SLC26A7: variants seen among roughly 807,000 people sequenced by gnomAD.
SLC26A7 encodes the protein solute carrier family 26 member 7, also known as anion exchange transporter.
In SLC26A7, 59 loss-of-function variants were observed where a neutral mutation model predicts 82.5. The ratio of observed to expected loss-of-function variants is 0.72; its 90% CI spans 0.58 to 0.89. SLC26A7 has a LOEUF of 0.89. SLC26A7 is among the 40% of genes least tolerant of loss of function. The pLI is 0.00. For missense variants in SLC26A7, 820 were observed against 793.0 expected (o/e 1.03, Z -0.41); for synonymous variants, 271 against 274.3 (o/e 0.99, Z 0.12).
chr8:91,232,142 A>G (rs1810318359), intron 2 of SLC26A7, among the ~76,000 whole-genome samples: 1 of 152,256 alleles, frequency 6.6e-6, no homozygotes, highest in South Asian at 2.1e-4. Flanking sequence ...TAAAGTACAT[A>G]TGCAATAAAT....
At chr8:91,275,293 A>G (rs1344293235) in intron 2 of SLC26A7, among the ~76,000 whole-genome samples, 2 of 152,078 alleles carry the variant, frequency 1.3e-5, no homozygotes, top group Non-Finnish European at 2.9e-5. Flanking sequence ...TAACTGGGTA[A>G]AAGATTATTT....
At chr8:91,283,579 A>T (rs1318015903) in intron 2 of SLC26A7, among the ~76,000 whole-genome samples, 3 of 151,730 alleles carry the variant, frequency 2.0e-5, no homozygotes, top group Non-Finnish European at 4.4e-5. Context: ...CATAACTCTT[A>T]CTCTTTCTCT....
At chr8:91,244,924 C>G (rs906644590), upstream of SLC26A7, among the ~76,000 whole-genome samples, 3 of 152,046 alleles carry the variant, frequency 2.0e-5, no homozygotes, top group African/African-American at 7.2e-5. Flanking sequence ...AAAAAACACA[C>G]TAAAGAAACT....
intron 4 of SLC26A7, among the ~76,000 whole-genome samples, chr8:91,296,598 T>TTACATTGCCTTCTAGC (rs1329490149): frequency 6.6e-6 from 1 of 151,928 alleles, no homozygotes; most frequent in Non-Finnish European, 1.5e-5. Flanking sequence ...ATTCTTAGAG[T>TTACATTGCCTTCTAGC]TACATTGCCT....
chr8:91,355,181 C>T (rs1813828400), intron 11 of SLC26A7, among the ~76,000 whole-genome samples: 1 of 152,004 alleles, frequency 6.6e-6, no homozygotes, highest in South Asian at 2.1e-4. Flanking sequence ...TTTAAGTAAG[C>T]TTGTTTTTCT....
At chr8:91,394,804 A>G in intron 18 of SLC26A7, 1 of 904,204 alleles carries the variant, frequency 1.1e-6, no homozygotes. Flanking sequence ...GGTAGATATG[A>G]TAATTTAACC....
At chr8:91,394,081 C>T (rs1204041665) in intron 18 of SLC26A7, 42 bp downstream of exon 18, 9 of 1,593,980 alleles carry the variant, frequency 5.6e-6, no homozygotes, top group Non-Finnish European at 7.7e-6. Context: ...TAAGAATATT[C>T]AGAATATAGA....
In SLC26A7 at chr8:91,279,151, A is replaced by G. The variant is rs902695005; in HGVS notation, c.194-9985A>G. On this transcript the variant is annotated intron_variant, in intron 2 of 18. Transcript: ENST00000276609. ...TATATATATATATATATATATATATATATATATATATATATGTATCACATT... is the reference window on the plus strand; with the variant it reads ...TATATATATATATATATATATATATGTATATATATATATATGTATCACATT... Among the ~76,000 whole-genome samples, 21 of 107,260 alleles carry G rather than the reference A, an allele frequency of 2.0e-4. 1 individual carries two copies. The highest frequency in any genetic ancestry group is 6.2e-4 in the African/African-American group (15 of 24,294). The allele number at this position is 107,260 out of a possible 152,430, so 70.4% of individuals were successfully genotyped here.
chr8:91,277,067 C>G (rs957235445), intron 2 of SLC26A7, among the ~76,000 whole-genome samples: 5 of 152,178 alleles, frequency 3.3e-5, no homozygotes, highest in Admixed American at 2.6e-4. Flanking sequence ...TGCTTTCCTT[C>G]GAATACTGAG....
At chr8:91,377,048 T>C (rs1814537001) in intron 15 of SLC26A7, among the ~76,000 whole-genome samples, 1 of 152,068 alleles carries the variant, frequency 6.6e-6, no homozygotes, top group African/African-American at 2.4e-5. Context: ...CTCTGTAGCT[T>C]ATGTCCTCCA....
chr8:91,252,110 C>T (rs1810674028), intron 2 of SLC26A7, among the ~76,000 whole-genome samples: 1 of 152,062 alleles, frequency 6.6e-6, no homozygotes, highest in Non-Finnish European at 1.5e-5. Flanking sequence ...CATCATAACG[C>T]AAACAATAGG....
chr8:91,394,955 T>C, intron 18 of SLC26A7, 107 bp from the exon 19 acceptor site: 1 of 1,316,926 alleles, frequency 7.6e-7, no homozygotes. Context: ...TTCATTTTCT[T>C]TGGCTTAGCT....
intron 5 of SLC26A7, among the ~76,000 whole-genome samples, chr8:91,327,749 G>T (rs1350869521): frequency 2.0e-5 from 3 of 152,110 alleles, no homozygotes; most frequent in Admixed American, 6.6e-5. Context: ...CTAATGCTCT[G>T]TTGTTTCTCT....
At chr8:91,336,909 A>C (rs771688799) in intron 6 of SLC26A7, among the ~76,000 whole-genome samples, 2 of 152,124 alleles carry the variant, frequency 1.3e-5, no homozygotes, top group African/African-American at 2.4e-5. Flanking sequence ...CTGACCTAGT[A>C]TAGATGTTTC....
chr8:91,253,007 C>T (rs1188973262), intron 2 of SLC26A7, among the ~76,000 whole-genome samples: 1 of 152,084 alleles, frequency 6.6e-6, no homozygotes, highest in Admixed American at 6.6e-5. Context: ...CTAGAATGTT[C>T]TAAATGTACT....
intron 2 of SLC26A7, among the ~76,000 whole-genome samples, chr8:91,279,175 T>G: frequency 7.8e-6 from 1 of 127,764 alleles, no homozygotes. Flanking sequence ...ATGTATCACA[T>G]TTTAAGAAAT....
At chr8:91,318,927 A>G (rs1812716239) in intron 5 of SLC26A7, among the ~76,000 whole-genome samples, 1 of 152,196 alleles carries the variant, frequency 6.6e-6, no homozygotes, top group African/African-American at 2.4e-5. Context: ...TGGACCTAAA[A>G]TCTATAACCG....
rs144275824 is a variant in SLC26A7 at position 91,345,023 on chromosome 8, GC to G, written c.1140+1559del. Reference sequence around the variant, plus strand: ...AGTGGCACCACTATAGCTCACTGTAGCCTCAAACTTGTGGTCTGAAGTATCC... The same window carrying G: ...AGTGGCACCACTATAGCTCACTGTAGCTCAAACTTGTGGTCTGAAGTATCC... On this transcript the variant is annotated intron_variant, in intron 9 of 18. Transcript: ENST00000276609. Among the ~76,000 whole-genome samples the G allele has an allele frequency of 6.2e-3, 943 of 150,912 alleles. 7 individuals carry two copies. The highest frequency in any genetic ancestry group is 0.022 in the African/African-American group (884 of 41,052).
intron 9 of SLC26A7, among the ~76,000 whole-genome samples, chr8:91,345,340 C>A (rs1431728070): frequency 1.3e-5 from 2 of 152,154 alleles, no homozygotes; most frequent in Admixed American, 1.3e-4. Context: ...GTGAGTGGTT[C>A]AGCGTTGGGC....
Sources: allele counts gnomAD v4.1 joint callset (sites outside exome capture counted in the v4.1 genomes callset), GRCh38; gene constraint gnomAD v4.1.1; transcripts MANE v1.5; gene names NCBI Gene and HGNC (gene_info 2026-07-23, HGNC 2026-07-21).